DNAH10: variants seen among roughly 807,000 people sequenced by gnomAD.
DNAH10 encodes axonemal beta dynein heavy chain 10.
Under a neutral mutation model 506.6 loss-of-function variants are expected in DNAH10, and 348 were observed. The ratio of observed to expected loss-of-function variants is 0.69; its 90% confidence interval spans 0.63 to 0.75. The LOEUF (loss-of-function observed/expected upper bound fraction) is 0.75, where lower values mean the gene tolerates loss of function less well. DNAH10 is among the 30% of genes least tolerant of loss of function. The pLI is 0.00. For missense variants in DNAH10, 5,179 were observed against 5,787.1 expected (o/e 0.89, Z 3.41); for synonymous variants, 2,059 against 2,198.6 (o/e 0.94, Z 1.78).
At chr12:123,875,084 A>C in intron 46 of DNAH10, 147 bp from the exon 47 acceptor site, 1 of 866,582 alleles carries the variant, frequency 1.2e-6, no homozygotes, top group East Asian at 2.6e-5. Context: ...TACAGTTGCA[A>C]CCTTTGAGAA....
chr12:123,847,514 CT>C (rs1166881536), intron 32 of DNAH10, among the ~76,000 whole-genome samples: 1 of 151,320 alleles, frequency 6.6e-6, no homozygotes, highest in Non-Finnish European at 1.5e-5. Flanking sequence ...GTGTCTGGGT[CT>C]GAGGGCCTGA....
chr12:123,934,322 G>A, intron 77 of DNAH10: 1 of 682,298 alleles, frequency 1.5e-6, no homozygotes, highest in South Asian at 1.5e-5. Flanking sequence ...GCCCAGGGTG[G>A]TCTAAGTCCG....
chr12:123,772,072 T>C (rs7972864), intron 3 of DNAH10, among the ~76,000 whole-genome samples: 118,175 of 152,088 alleles, frequency 0.78, 46,288 homozygotes, highest in East Asian at 0.96. Context: ...GCATGAAGTA[T>C]TGCCAACCAG....
intron 11 of DNAH10, among the ~76,000 whole-genome samples, chr12:123,792,377 A>G (rs1489041210): frequency 1.3e-5 from 2 of 149,612 alleles, no homozygotes; most frequent in Non-Finnish European, 3.0e-5. Context: ...CAGTGCCATT[A>G]TTTACCTAGA....
Position 123,900,811 on chromosome 12 carries a change from C to T in DNAH10, c.9640+1997C>T, listed in dbSNP as rs1019781164. Among the ~76,000 whole-genome samples, 10 of 152,262 alleles carry T rather than the reference C, an allele frequency of 6.6e-5. No individual in the cohort carries two copies. In the East Asian group the frequency reaches 7.7e-4, roughly 12 times the overall value. On this transcript the variant is annotated intron_variant, in intron 56 of 78. Transcript: ENST00000673944. ...CCGTTTGGGCTTCATCTCAGGCAGC[C>T]GGCTCTGTCCATGCTGAGACTTTGG...
Position 123,866,066 on chromosome 12 carries a change from C to T in DNAH10, c.7160C>T (p.Pro2387Leu), listed in dbSNP as rs1454303310. ...PYWKKWVNQI[P>L]NKVEQYNLNS... is the part of the protein sequence containing the mutation. Reference sequence around the variant, plus strand: ...TGGAAAAAATGGGTTAATCAAATACCAAACAAGGTGAAATTTTTTTCTAAA... The same window carrying T: ...TGGAAAAAATGGGTTAATCAAATACTAAACAAGGTGAAATTTTTTTCTAAA... The change falls in exon 41 of 79, where the codon CCA (proline) becomes CTA (leucine). Residue 2387 changes from proline to leucine, a missense_variant. Transcript: ENST00000673944. 3 of 1,602,350 alleles carry T rather than the reference C, an allele frequency of 1.9e-6. No individual in the cohort carries two copies. The highest frequency in any genetic ancestry group is 1.8e-5 in the Admixed American group (1 of 56,986).
chr12:123,866,305 G>A (rs1262186532), intron 41 of DNAH10, among the ~76,000 whole-genome samples: 1 of 137,522 alleles, frequency 7.3e-6, no homozygotes, highest in Admixed American at 8.0e-5. Context: ...GTGCAGTGGC[G>A]CAATCTCGGC....
intron 19 of DNAH10, among the ~76,000 whole-genome samples, chr12:123,810,744 A>C (rs1466602083): frequency 6.6e-6 from 1 of 152,152 alleles, no homozygotes; most frequent in African/African-American, 2.4e-5. Flanking sequence ...CCATGCTAAG[A>C]CAGTTATTTA....
At position 123,861,098 on chromosome 12, in the gene DNAH10, G is replaced by A. The variant is rs746998714; in HGVS notation, c.6836G>A (p.Arg2279Gln). Residue 2279 changes from arginine to glutamine, a missense_variant, in exon 39 of 79, where the codon CGA becomes CAA. Physicochemically the swap from Arg to Gln is conservative, Grantham distance 43 (BLOSUM62 1). This residue lies in a region of DNAH10 where 4,844 missense variants were observed against 5,430.5 expected (regional missense o/e 0.89). Transcript: ENST00000673944. ...TACGGCATCCTGGACCCAACCACCC[G>A]AGACTGGACAGATGGGGTGTTGTCA... ...ELYGILDPTT[R>Q]DWTDGVLSNI... 21 of 1,613,838 alleles carry A rather than the reference G, an allele frequency of 1.3e-5. No homozygotes were observed. The highest frequency in any genetic ancestry group is 7.7e-5 in the South Asian group (7 of 91,068).
At chr12:123,803,450 G>A (rs1289531120) in intron 16 of DNAH10, among the ~76,000 whole-genome samples, 1 of 152,180 alleles carries the variant, frequency 6.6e-6, no homozygotes, top group African/African-American at 2.4e-5. Flanking sequence ...TAGAAGAGAT[G>A]CATTGCTTGG....
chr12:123,818,737 C>T (rs1201103279), intron 21 of DNAH10, among the ~76,000 whole-genome samples: 2 of 152,144 alleles, frequency 1.3e-5, no homozygotes, highest in Non-Finnish European at 2.9e-5. Context: ...CTGCCTCAGC[C>T]CCCCAAAGTA....
At chr12:123,891,086 C>A (rs889268091) in intron 52 of DNAH10, among the ~76,000 whole-genome samples, 6 of 152,134 alleles carry the variant, frequency 3.9e-5, no homozygotes, top group Non-Finnish European at 2.9e-5. Context: ...GTCGGCAGAG[C>A]CCGTTCCTTC....
At chr12:123,894,551 C>T (rs1953133161) in intron 53 of DNAH10, 92 bp from the exon 54 acceptor site, 1 of 1,207,822 alleles carries the variant, frequency 8.3e-7, no homozygotes, top group South Asian at 1.3e-5. Flanking sequence ...AGCCACCACA[C>T]CCGGCCCTGA....
chr12:123,762,458 T>TG lies in DNAH10; in HGVS notation c.123dup (p.His42AlafsTer31). The TG allele has an allele frequency of 6.7e-7, 1 of 1,494,300 alleles. No homozygotes were observed. Among genetic ancestry groups the TG allele is most frequent in the Non-Finnish European group, 8.9e-7 (1 of 1,118,436 alleles). 92.6% of individuals were successfully genotyped at this position (1,494,300 alleles called of 1,614,324 possible). ...GACGGCCAGGGCGAGGACCTCATCT[T>TG]GCACTTCCTCAACCAGGCGAGCGAG... On this transcript the variant is annotated frameshift_variant, in exon 1 of 79. Transcript: ENST00000673944. LOFTEE classifies it high-confidence loss of function. The surrounding 1 kb of genome is among the most constrained non-coding windows in gnomAD (Gnocchi z 5.0).
chr12:123,843,055 T>G (rs541205159), intron 30 of DNAH10, among the ~76,000 whole-genome samples: 6 of 152,380 alleles, frequency 3.9e-5, no homozygotes, highest in South Asian at 2.1e-4. Flanking sequence ...ATCAGTTGAT[T>G]TTATTTTCAC....
chr12:123,838,443 T>C lies in DNAH10; in HGVS notation c.4903-13T>C, dbSNP rs751184517. 1.3e-5 allele frequency: 21 copies of C among 1,608,960 alleles called. No homozygotes were observed. The East Asian group carries it at 4.5e-4, about 34-fold the overall frequency. On this transcript the variant is annotated splice_polypyrimidine_tract_variant and intron_variant, in intron 28 of 78. Transcript: ENST00000673944. ...CTCACCCTGCTTGACGGCTGTCCTCTGTTCTGGTCCAGATCATGGGTGAGA... is the reference window on the plus strand; with the variant it reads ...CTCACCCTGCTTGACGGCTGTCCTCCGTTCTGGTCCAGATCATGGGTGAGA...
intron 13 of DNAH10, 137 bp from the exon 14 acceptor site, chr12:123,799,105 CAAAA>C (rs138331705): frequency 6.4e-4 from 185 of 289,190 alleles, no homozygotes; most frequent in Non-Finnish European, 7.0e-4. Context: ...ACTCCGTCTC[CAAAA>C]AAAAAAAAAA....
At chr12:123,765,798 T>TCTACCTACCTAC (rs1957019228) in intron 1 of DNAH10, among the ~76,000 whole-genome samples, 1 of 151,040 alleles carries the variant, frequency 6.6e-6, no homozygotes, top group South Asian at 2.1e-4. Flanking sequence ...TGTCTATACA[T>TCTACCTACCTAC]CTATCTACCT....
rs1951240964 is a variant in DNAH10, at chr12:123,853,160, A to G, written c.6292-46A>G. 1.3e-6 allele frequency: 2 copies of G among 1,485,330 alleles called. No homozygotes were observed. The highest frequency in any genetic ancestry group is 9.0e-7 in the Non-Finnish European group (1 of 1,110,382). 92.0% of individuals were successfully genotyped at this position (1,485,330 alleles called of 1,614,324 possible). A position where few individuals can be genotyped will look rare whatever the true frequency, so the allele number is the denominator to read the frequency against. On this transcript the variant is annotated intron_variant, in intron 35 of 78. Transcript: ENST00000673944. The surrounding 1 kb of genome is among the most constrained non-coding windows in gnomAD (Gnocchi z 4.7). ...AATGATGCTCCATTGCTTTTGAATC[A>G]TTTTCTTTTTTCTTTTTTTTTGTAT...
Sources: allele counts gnomAD v4.1 joint callset (sites outside exome capture counted in the v4.1 genomes callset), GRCh38; gene constraint gnomAD v4.1.1; regional missense constraint gnomAD v4.1.1; non-coding constraint Gnocchi (gnomAD v3.1); transcripts MANE v1.5; gene names NCBI Gene and HGNC (gene_info 2026-07-23, HGNC 2026-07-21).